THSD4: variants seen among roughly 807,000 people sequenced by gnomAD.
THSD4 encodes thrombospondin type-1 domain-containing protein 4.
In THSD4, 69 loss-of-function variants were observed where a neutral mutation model predicts 119.0. The observed-to-expected ratio is 0.58, with a 90% CI of 0.48 to 0.71. The LOEUF is 0.71. THSD4 is among the 30% of genes least tolerant of loss of function. The pLI is 0.00. For missense variants in THSD4, 1,393 were observed against 1,391.1 expected, an observed-to-expected ratio of 1.00 and a Z score of -0.02; for synonymous variants, 524 against 540.4, an observed-to-expected ratio of 0.97 and a Z score of 0.42.
In THSD4 at chr15:71,581,119, G is replaced by T. The variant is rs145598948; in HGVS notation, c.1153-79411G>T. Among the ~76,000 whole-genome samples, 395 of 152,182 alleles carry T rather than the reference G, an allele frequency of 2.6e-3. 2 individuals are homozygous for T. The highest frequency in any genetic ancestry group is 9.3e-3 in the African/African-American group (385 of 41,548). ...ATTATAAGGTCATTCTATTTTTAAT[G>T]CTATGAAGAGCCTGTATACTGTTTT... On this transcript the variant is annotated intron_variant, in intron 7 of 17. Transcript: ENST00000261862.
intron 6 of THSD4, among the ~76,000 whole-genome samples, chr15:71,260,203 G>A (rs2140293025): frequency 6.6e-6 from 1 of 152,296 alleles, no homozygotes; most frequent in East Asian, 1.9e-4. Flanking sequence ...TCTGGCTTAT[G>A]TATGGGTCTA....
intron 14 of THSD4, among the ~76,000 whole-genome samples, chr15:71,755,706 C>CAAAAAAAAAAAA (rs10555546): frequency 1.6e-4 from 8 of 50,280 alleles, no homozygotes; most frequent in Non-Finnish European, 2.7e-4. Context: ...TCAGCAAAGA[C>CAAAAAAAAAAAA]AAAAAAAAAA....
intron 8 of THSD4, among the ~76,000 whole-genome samples, chr15:71,715,232 T>C (rs1394566954): frequency 1.3e-5 from 2 of 152,222 alleles, no homozygotes; most frequent in African/African-American, 2.4e-5. Context: ...TTAGCATCTA[T>C]GTACATCCTG....
intron 6 of THSD4, among the ~76,000 whole-genome samples, chr15:71,397,193 G>A (rs1467591494): frequency 6.6e-6 from 1 of 152,090 alleles, no homozygotes; most frequent in Non-Finnish European, 1.5e-5. Flanking sequence ...TCGTGGTCCT[G>A]GCCTTTGGAT....
At chr15:71,208,419 G>A (rs1420208217) in intron 3 of THSD4, among the ~76,000 whole-genome samples, 1 of 152,094 alleles carries the variant, frequency 6.6e-6, no homozygotes, top group African/African-American at 2.4e-5. Flanking sequence ...CTCTTGCACA[G>A]CCCAAGTTGA....
At chr15:71,111,049 C>T, upstream of THSD4, 2 of 1,329,074 alleles carry the variant, frequency 1.5e-6, no homozygotes, top group Non-Finnish European at 2.1e-6. Flanking sequence ...CCGGGTGATG[C>T]CTCTTGGCTG....
intron 4 of THSD4, among the ~76,000 whole-genome samples, 187 bp downstream of exon 4, chr15:71,215,586 A>G (rs867543260): frequency 4.6e-5 from 7 of 152,306 alleles, no homozygotes; most frequent in Middle Eastern, 3.4e-3. Context: ...GCAGCCTTGT[A>G]AAGTGTTGAG....
At chr15:71,568,201 C>T (rs2049278084) in intron 7 of THSD4, among the ~76,000 whole-genome samples, 1 of 152,122 alleles carries the variant, frequency 6.6e-6, no homozygotes, top group African/African-American at 2.4e-5. Context: ...CTGGTCTTCA[C>T]ATGAAGGCCC....
intron 7 of THSD4, among the ~76,000 whole-genome samples, chr15:71,534,578 C>T (rs535051924): frequency 6.6e-6 from 1 of 152,198 alleles, no homozygotes; most frequent in East Asian, 1.9e-4. Context: ...ACTGTAAAAA[C>T]AATTAGAAAA....
At chr15:71,589,017 A>G (rs2049745643) in intron 7 of THSD4, among the ~76,000 whole-genome samples, 2 of 152,170 alleles carry the variant, frequency 1.3e-5, no homozygotes, top group Non-Finnish European at 2.9e-5. Flanking sequence ...GTGGGATGTT[A>G]GACATTAGGG....
rs182158185 is a variant in THSD4 at position 71,552,912 on chromosome 15, G to A, written c.1153-107618G>A. Among the ~76,000 whole-genome samples, 431 of 152,244 alleles carry A rather than the reference G, an allele frequency of 2.8e-3. 1 individual carries two copies. Among genetic ancestry groups the A allele is most frequent in the African/African-American group, 8.3e-3 (343 of 41,538 alleles). Reference sequence around the variant, plus strand: ...GCCTCCCAAAGTGCTGGAATTATAGGCATGAGCCACCGCACCAGCCTAGCA... The same window carrying A: ...GCCTCCCAAAGTGCTGGAATTATAGACATGAGCCACCGCACCAGCCTAGCA... On this transcript the variant is annotated intron_variant, in intron 7 of 17. Transcript: ENST00000261862.
intron 7 of THSD4, among the ~76,000 whole-genome samples, chr15:71,582,178 GTT>G (rs2140850045): frequency 6.6e-6 from 1 of 152,132 alleles, no homozygotes; most frequent in South Asian, 2.1e-4. Flanking sequence ...TTTCTTCAAT[GTT>G]TTATAGTTTT....
At chr15:71,470,793 G>A (rs905309824) in intron 7 of THSD4, among the ~76,000 whole-genome samples, 8 of 151,772 alleles carry the variant, frequency 5.3e-5, no homozygotes, top group African/African-American at 1.4e-4. Flanking sequence ...CCGCCACCGC[G>A]CCCGGCTAAT....
intron 16 of THSD4, among the ~76,000 whole-genome samples, chr15:71,768,594 T>C (rs1319496162): frequency 9.2e-6 from 1 of 108,602 alleles, no homozygotes; most frequent in Non-Finnish European, 1.9e-5. Context: ...TGAGACAAAG[T>C]CTCACTCTTG....
chr15:71,536,414 A>G (rs1399921712), intron 7 of THSD4, among the ~76,000 whole-genome samples: 2 of 152,134 alleles, frequency 1.3e-5, no homozygotes, highest in East Asian at 3.9e-4. Context: ...GCCTACCTTG[A>G]TAATCTAAAA....
intron 6 of THSD4, among the ~76,000 whole-genome samples, chr15:71,301,334 T>C (rs2044947495): frequency 6.6e-6 from 1 of 152,234 alleles, no homozygotes; most frequent in African/African-American, 2.4e-5. Flanking sequence ...AAAGACCTGA[T>C]TTTTCACATA....
intron 7 of THSD4, among the ~76,000 whole-genome samples, chr15:71,554,095 G>GT (rs58075201): frequency 0.14 from 19,782 of 137,468 alleles, 4,763 homozygotes; most frequent in African/African-American, 0.49. Context: ...GTTTGGTTTG[G>GT]TTTTTTTTTT....
rs114255905 is a variant in THSD4 at position 71,466,994 on chromosome 15, C to T, written c.1152+55171C>T. Among the ~76,000 whole-genome samples the T allele has an allele frequency of 6.2e-3, 941 of 152,296 alleles. 10 individuals are homozygous for T. Among genetic ancestry groups the T allele is most frequent in the African/African-American group, 0.022 (895 of 41,560 alleles). On this transcript the variant is annotated intron_variant, in intron 7 of 17. Transcript: ENST00000261862. ...TGTCCCCTGTGAGGCATTGCCCTCG[C>T]GTTTGTAACTCACATCCCCGGAAGT...
chr15:71,700,783 T>C (rs1263355475), intron 8 of THSD4, among the ~76,000 whole-genome samples: 1 of 152,004 alleles, frequency 6.6e-6, no homozygotes, highest in African/African-American at 2.4e-5. Flanking sequence ...AAAAGCACAT[T>C]TAAATAATTG....
Sources: allele counts gnomAD v4.1 joint callset (sites outside exome capture counted in the v4.1 genomes callset), GRCh38; gene constraint gnomAD v4.1.1; transcripts MANE v1.5; gene names NCBI Gene and HGNC (gene_info 2026-07-23, HGNC 2026-07-21).